Variants in NRG1 observed in about 807,000 individuals in gnomAD.
NRG1 encodes neuregulin 1.
NRG1 carries 18 observed loss-of-function variants against 63.8 expected under a neutral mutation model. The observed-to-expected ratio is 0.28, with a 90% confidence interval of 0.19 to 0.42. The LOEUF is 0.42. Ranked by LOEUF, NRG1 falls within the 10% of genes least tolerant of loss-of-function variation. NRG1 has a pLI of 1.00. For missense variants in NRG1, 762 were observed against 814.7 expected (o/e 0.94, Z 0.79); for synonymous variants, 302 against 301.3 (o/e 1.00, Z -0.02).
chr8:31,818,050 G>C (rs544141458), intron 1 of NRG1, among the ~76,000 whole-genome samples: 2 of 152,180 alleles, frequency 1.3e-5, no homozygotes, highest in Non-Finnish European at 2.9e-5. Context: ...TGCTACTTTT[G>C]TGCCAGCAAA....
chr8:31,965,470 G>A (rs1214718752), intron 1 of NRG1, among the ~76,000 whole-genome samples: 2 of 152,036 alleles, frequency 1.3e-5, no homozygotes, highest in Non-Finnish European at 2.9e-5. Flanking sequence ...TGATCCACCC[G>A]CCTTGGCCTC....
intron 1 of NRG1, among the ~76,000 whole-genome samples, chr8:32,481,063 G>C (rs1435895551): frequency 2.0e-5 from 3 of 151,990 alleles, no homozygotes; most frequent in Admixed American, 1.3e-4. Context: ...AAATAAATAG[G>C]CCAGGCGCAG....
At chr8:32,160,843 G>C (rs1331727270) in intron 1 of NRG1, among the ~76,000 whole-genome samples, 1 of 152,168 alleles carries the variant, frequency 6.6e-6, no homozygotes, top group African/African-American at 2.4e-5. Context: ...CACTTAAAGA[G>C]AGATGAATCC....
intron 1 of NRG1, among the ~76,000 whole-genome samples, chr8:31,766,510 C>T (rs562396480): frequency 1.3e-5 from 2 of 152,112 alleles, no homozygotes; most frequent in Admixed American, 6.6e-5. Flanking sequence ...ACAACAAGCC[C>T]CTGTGCAAAC....
At chr8:31,871,487 C>T (rs1009193862) in intron 1 of NRG1, among the ~76,000 whole-genome samples, 6 of 152,054 alleles carry the variant, frequency 3.9e-5, no homozygotes, top group Non-Finnish European at 8.8e-5. Flanking sequence ...AAACTTTTCT[C>T]GGTGTTCTCT....
chr8:31,879,161 G>A (rs1345091511), intron 1 of NRG1, among the ~76,000 whole-genome samples: 1 of 152,156 alleles, frequency 6.6e-6, no homozygotes, highest in East Asian at 1.9e-4. Context: ...GAACATTTTC[G>A]ATTCTGTTCA....
intron 5 of NRG1, among the ~76,000 whole-genome samples, chr8:32,655,701 T>C (rs1349878023): frequency 1.3e-5 from 2 of 152,190 alleles, no homozygotes; most frequent in Non-Finnish European, 2.9e-5. Context: ...ATACATAGAT[T>C]ATTACCTTTG....
chr8:32,598,887 A>G (rs1374199316), intron 2 of NRG1, among the ~76,000 whole-genome samples: 2 of 152,080 alleles, frequency 1.3e-5, no homozygotes, highest in East Asian at 1.9e-4. Context: ...TATTATTTCA[A>G]TTTATCCAGT....
intron 1 of NRG1, among the ~76,000 whole-genome samples, chr8:32,422,330 C>A (rs1450299954): frequency 2.0e-5 from 3 of 152,086 alleles, no homozygotes; most frequent in Non-Finnish European, 4.4e-5. Flanking sequence ...TTCTAACATA[C>A]TCCTCACAAA....
rs34657847 is a variant in NRG1, at chr8:32,748,358, CAGAGAGAGAG to C, written c.691+5655_691+5664del. ...GCGCGCGCACACACACACACACACA[CAGAGAGAGAG>C]AGAGAGAGAGAGAGAGAGAGAGAGA... On this transcript the variant is annotated intron_variant, in intron 7 of 11. Coordinates refer to ENST00000356819, the Ensembl canonical transcript of NRG1. 1.7e-3 allele frequency among the ~76,000 whole-genome samples: 203 copies of C among 121,996 alleles called. 1 individual carries two copies. Among genetic ancestry groups the C allele is most frequent in the Middle Eastern group, 4.7e-3 (1 of 212 alleles). 80.0% of individuals were successfully genotyped at this position (121,996 alleles called of 152,430 possible).
chr8:32,468,892 T>C lies in NRG1; in HGVS notation c.38-126936T>C, dbSNP rs141259580. Among the ~76,000 whole-genome samples, 888 of 152,262 alleles carry C rather than the reference T, an allele frequency of 5.8e-3. 7 individuals are homozygous for C. The highest frequency in any genetic ancestry group is 0.034 in the Middle Eastern group (10 of 294). On this transcript the variant is annotated intron_variant, in intron 1 of 10. Transcript: ENST00000519301. ...GGAGGGGAAGAACATGAACAAGGGATTGAAGCCATTGAGAAAGTCATTTAT... is the reference window on the plus strand; with the variant it reads ...GGAGGGGAAGAACATGAACAAGGGACTGAAGCCATTGAGAAAGTCATTTAT...
At chr8:32,675,188 A>G (rs989954884) in intron 5 of NRG1, among the ~76,000 whole-genome samples, 1 of 152,306 alleles carries the variant, frequency 6.6e-6, no homozygotes, top group Non-Finnish European at 1.5e-5. Flanking sequence ...ATTACTCTCC[A>G]GTGTTTCTGC....
intron 1 of NRG1, among the ~76,000 whole-genome samples, chr8:32,316,225 C>T (rs962159061): frequency 5.3e-5 from 8 of 152,164 alleles, no homozygotes; most frequent in Non-Finnish European, 1.0e-4. Context: ...CGCCTGTAAT[C>T]CCAACACATT....
At chr8:32,526,291 G>A (rs915535513) in intron 1 of NRG1, among the ~76,000 whole-genome samples, 2 of 152,170 alleles carry the variant, frequency 1.3e-5, no homozygotes, top group Non-Finnish European at 2.9e-5. Context: ...GTTCTTTAGT[G>A]ACTCTGGGCC....
chr8:32,411,023 G>T (rs1483562442), intron 1 of NRG1, among the ~76,000 whole-genome samples: 1 of 151,596 alleles, frequency 6.6e-6, no homozygotes, highest in Non-Finnish European at 1.5e-5. Flanking sequence ...CTACAGGCAC[G>T]CACCACCATG....
intron 1 of NRG1, among the ~76,000 whole-genome samples, chr8:32,402,132 C>T (rs1204537418): frequency 2.0e-5 from 3 of 152,152 alleles, no homozygotes; most frequent in African/African-American, 4.8e-5. Context: ...AGGCTTGTCT[C>T]AAACTCCTAA....
intron 1 of NRG1, among the ~76,000 whole-genome samples, chr8:31,974,002 A>C (rs1213085472): frequency 6.6e-6 from 1 of 152,216 alleles, no homozygotes; most frequent in Non-Finnish European, 1.5e-5. Context: ...ATCTAAGCAC[A>C]TCTGGAAAGG....
chr8:32,661,032 A>C (rs1373953175), intron 5 of NRG1, among the ~76,000 whole-genome samples: 3 of 152,198 alleles, frequency 2.0e-5, no homozygotes, highest in Non-Finnish European at 2.9e-5. Flanking sequence ...ATGTGTTACC[A>C]TCATACCTGC....
chr8:32,089,308 C>T (rs1418658224), intron 1 of NRG1, among the ~76,000 whole-genome samples: 1 of 152,154 alleles, frequency 6.6e-6, no homozygotes, highest in East Asian at 1.9e-4. Context: ...GTAAAGAACA[C>T]CTTCTTAACC....
Sources: gnomAD v4.1 joint callset for allele counts (sites outside exome capture counted in the v4.1 genomes callset) on GRCh38, gnomAD v4.1.1 for gene constraint, MANE v1.5 for transcripts, NCBI Gene and HGNC (gene_info 2026-07-23, HGNC 2026-07-21) for gene names.